Variants in CCDC88C observed in about 807,000 individuals in gnomAD.
The protein encoded by CCDC88C is coiled-coil and HOOK domain protein 88C.
A neutral mutation model predicts 198.8 loss-of-function variants in CCDC88C; 131 were observed. The ratio of observed to expected loss-of-function variants is 0.66; its 90% confidence interval spans 0.57 to 0.76. The LOEUF is 0.76. CCDC88C is among the 30% of genes least tolerant of loss of function. CCDC88C has a pLI of 0.00. For missense variants in CCDC88C, 2,553 were observed against 2,631.6 expected (o/e 0.97, Z 0.65); for synonymous variants, 1,166 against 1,114.7 (o/e 1.05, Z -0.92).
intron 4 of CCDC88C, among the ~76,000 whole-genome samples, chr14:91,356,400 G>A (rs754419064): frequency 2.0e-5 from 3 of 152,106 alleles, no homozygotes; most frequent in East Asian, 1.9e-4. Context: ...CTGAGCCCTC[G>A]GTGATGGGTA....
rs1205322198 is a variant in CCDC88C, at chr14:91,339,761, G to C, written c.624+123C>G. 33 of 1,215,910 alleles carry C rather than the reference G, an allele frequency of 2.7e-5. No homozygotes were observed. Among genetic ancestry groups the C allele is most frequent in the Non-Finnish European group, 3.2e-5 (29 of 897,572 alleles). 75.3% of individuals were successfully genotyped at this position (1,215,910 alleles called of 1,614,324 possible). On this transcript the variant is annotated intron_variant, in intron 7 of 29. Coordinates refer to ENST00000389857, the MANE Select transcript of CCDC88C (RefSeq NM_001080414.4). This position sits in a 1 kb window ranked among gnomAD's most constrained non-coding sequence, Gnocchi z 5.8. ...GGCCGTAACCAGGGAAAGCACGCAC[G>C]TCCCACCCCCACCAGAACCTCAGCA...
At chr14:91,391,766 A>G (rs1171940943) in intron 3 of CCDC88C, among the ~76,000 whole-genome samples, 1 of 152,112 alleles carries the variant, frequency 6.6e-6, no homozygotes, top group Non-Finnish European at 1.5e-5. Context: ...GTGACAGAGC[A>G]AGACTCCGTC....
At chr14:91,307,886 T>A (rs1567065138) in intron 17 of CCDC88C, among the ~76,000 whole-genome samples, 1 of 152,248 alleles carries the variant, frequency 6.6e-6, no homozygotes, top group Non-Finnish European at 1.5e-5. Context: ...AGTGTGTATG[T>A]GTGGAGAACA....
chr14:91,307,133 T>C lies in CCDC88C; in HGVS notation c.3100A>G (p.Ser1034Gly). 3 of 1,613,984 alleles carry C rather than the reference T, an allele frequency of 1.9e-6. No homozygotes were observed. Among genetic ancestry groups the C allele is most frequent in the Non-Finnish European group, 2.5e-6 (3 of 1,179,878 alleles). The change falls in exon 18 of 30, where the codon AGT (serine) becomes GGT (glycine). Residue 1034 changes from serine to glycine, a missense_variant. Physicochemically the swap from Ser to Gly is moderately conservative, Grantham distance 56. Transcript: ENST00000389857. Reference sequence around the variant, plus strand: ...CCCCAGGCCTCCTTCCCCTGGTGACTGGCGGCTGTCTTCCCCGCAGGGTGC... The same window carrying C: ...CCCCAGGCCTCCTTCCCCTGGTGACCGGCGGCTGTCTTCCCCGCAGGGTGC... ...FKHPAGKTAASHQGKEAWGPG... is the reference protein window; with the variant it reads ...FKHPAGKTAAGHQGKEAWGPG...
intron 3 of CCDC88C, among the ~76,000 whole-genome samples, chr14:91,370,211 G>A (rs1475603467): frequency 6.6e-6 from 1 of 152,128 alleles, no homozygotes; most frequent in Non-Finnish European, 1.5e-5. Context: ...ATCTGTACCA[G>A]GATCAGGACT....
In CCDC88C at chr14:91,289,124, G is replaced by A. The variant is rs1890548127; in HGVS notation, c.4422C>T (p.His1474=). 1 of 1,612,746 alleles carries A rather than the reference G, an allele frequency of 6.2e-7. No homozygotes were observed. ...GSNCAEERDA[H]NGSVGKGPGD... Reference sequence around the variant, plus strand: ...CCCTACCTTTCCCCACAGACCCGTTGTGGGCGTCGCGCTCTTCTGCACAGT... The same window carrying A: ...CCCTACCTTTCCCCACAGACCCGTTATGGGCGTCGCGCTCTTCTGCACAGT... The change falls in exon 25 of 30, where the codon CAC becomes CAT. Residue 1474 remains histidine (H), a synonymous_variant. Transcript: ENST00000389857.
At chr14:91,372,112 A>T (rs536288412) in intron 3 of CCDC88C, among the ~76,000 whole-genome samples, 29 of 152,144 alleles carry the variant, frequency 1.9e-4, no homozygotes, top group Non-Finnish European at 3.8e-4. Flanking sequence ...GGGCAGGGAG[A>T]GCTCCTTGAG....
chr14:91,288,488 G>A lies in CCDC88C; in HGVS notation c.4441+617C>T, dbSNP rs1003763410. On this transcript the variant is annotated intron_variant, in intron 25 of 29. Transcript: ENST00000389857. This position sits in a 1 kb window ranked among gnomAD's most constrained non-coding sequence, Gnocchi z 4.2. ...GCACAAAGCAGCTTTCTACAAATCT[G>A]GCACATACGAGGCAGCCCAAAATAA... Among the ~76,000 whole-genome samples, 2 of 152,208 alleles carry A rather than the reference G, an allele frequency of 1.3e-5. No individual in the cohort carries two copies. The highest frequency in any genetic ancestry group is 2.9e-5 in the Non-Finnish European group (2 of 68,038).
chr14:91,416,962 A>G, intron 1 of CCDC88C, 124 bp from the exon 2 acceptor site: 1 of 702,030 alleles, frequency 1.4e-6, no homozygotes, highest in Non-Finnish European at 2.5e-6. Context: ...CCACGCCCAC[A>G]CCACCCTTCA....
intron 12 of CCDC88C, among the ~76,000 whole-genome samples, chr14:91,322,668 G>T (rs1053753632): frequency 2.6e-5 from 4 of 152,162 alleles, no homozygotes; most frequent in Non-Finnish European, 5.9e-5. Context: ...TATTTAAAAA[G>T]TACCATTTTA....
chr14:91,379,753 A>ACCCCGTGCCCGGGCCTC, intron 3 of CCDC88C: 1 of 688,928 alleles, frequency 1.5e-6, no homozygotes, highest in South Asian at 1.5e-5. Flanking sequence ...TGGCAGCCAC[A>ACCCCGTGCCCGGGCCTC]CCCCGTGCCC....
intron 6 of CCDC88C, chr14:91,342,143 T>C (rs997512780): frequency 2.2e-4 from 90 of 416,388 alleles, no homozygotes; most frequent in Non-Finnish European, 4.7e-5. Flanking sequence ...GATGACTTGA[T>C]TGAGGTGTTT....
chr14:91,354,447 T>C (rs1412330086), intron 4 of CCDC88C, among the ~76,000 whole-genome samples: 2 of 152,192 alleles, frequency 1.3e-5, no homozygotes, highest in East Asian at 3.8e-4. Flanking sequence ...AGGCTTCTTG[T>C]AGAAAACACT....
chr14:91,329,689 G>A (rs1356880479), intron 10 of CCDC88C, among the ~76,000 whole-genome samples: 1 of 152,234 alleles, frequency 6.6e-6, no homozygotes. Context: ...TTAATCAATT[G>A]TCAGTTTCCT....
chr14:91,331,419 G>A (rs1049319938), intron 10 of CCDC88C, among the ~76,000 whole-genome samples: 7 of 152,190 alleles, frequency 4.6e-5, no homozygotes, highest in Non-Finnish European at 7.4e-5. Context: ...AGGAGCTGGG[G>A]CCCTGTCTCC....
At position 91,284,169 on chromosome 14, in the gene CCDC88C, G is replaced by C. The variant is rs6575188; in HGVS notation, c.4442-652C>G. Among the ~76,000 whole-genome samples, 135,476 of 152,264 alleles carry C rather than the reference G, an allele frequency of 0.89. 60,761 individuals are homozygous for C. Among genetic ancestry groups the C allele is most frequent in the African/African-American group, 0.96 (39,678 of 41,534 alleles). ...AAAGAAAAACAGCCCATAAAACCAA[G>C]TACCCCACAGGAAAGAGGACAGGCT... On this transcript the variant is annotated intron_variant, in intron 25 of 29. Coordinates refer to ENST00000389857, the MANE Select transcript of CCDC88C (RefSeq NM_001080414.4). The surrounding 1 kb of genome is among the most constrained non-coding windows in gnomAD (Gnocchi z 4.1).
In CCDC88C at chr14:91,302,164, C is replaced by T. The variant is rs184995223; in HGVS notation, c.3635+1537G>A. ...CCCACAAGCATCATCAGCGCCCGCACAAGGCTTTTGTGATTCAATGACATT... is the reference window on the plus strand; with the variant it reads ...CCCACAAGCATCATCAGCGCCCGCATAAGGCTTTTGTGATTCAATGACATT... On this transcript the variant is annotated intron_variant, in intron 20 of 29. Transcript: ENST00000389857. Among the ~76,000 whole-genome samples the T allele has an allele frequency of 3.8e-3, 580 of 152,328 alleles. 15 individuals are homozygous for T. The highest frequency in any genetic ancestry group is 4.6e-4 in the Non-Finnish European group (31 of 68,026).
In CCDC88C at chr14:91,313,386, A is replaced by G; in HGVS notation, c.2430T>C (p.Asn810=). ...CCTTCTCGGCCCCCTCCAACTGTGC[A>G]TTGGCCAGCCGGAGGGCCTCCAGGT... is the stretch of plus-strand genomic sequence containing the variant. ...RRDLEALRLA[N]AQLEGAEKDR... Residue 810 remains asparagine, a synonymous_variant, in exon 15 of 30, where the codon AAT becomes AAC. Coordinates refer to ENST00000389857, the MANE Select transcript of CCDC88C (RefSeq NM_001080414.4). The surrounding 1 kb of genome is among the most constrained non-coding windows in gnomAD (Gnocchi z 5.2). The G allele has an allele frequency of 6.2e-7, 1 of 1,609,058 alleles. No homozygotes were observed. Among genetic ancestry groups the G allele is most frequent in the Non-Finnish European group, 8.5e-7 (1 of 1,179,678 alleles).
intron 10 of CCDC88C, among the ~76,000 whole-genome samples, chr14:91,335,468 T>C (rs144588439): frequency 6.6e-6 from 1 of 152,092 alleles, no homozygotes; most frequent in Non-Finnish European, 1.5e-5. Context: ...TGCCTCTGCC[T>C]GGCTCTCCCT....
Sources: gnomAD v4.1 joint callset for allele counts (sites outside exome capture counted in the v4.1 genomes callset) on GRCh38, gnomAD v4.1.1 for gene constraint, Gnocchi (gnomAD v3.1) non-coding constraint, MANE v1.5 for transcripts, NCBI Gene and HGNC (gene_info 2026-07-23, HGNC 2026-07-21) for gene names.